The following KCTD19 variants were observed in gnomAD, a reference collection of about 807,000 sequenced individuals.
KCTD19 encodes the protein BTB/POZ domain-containing protein KCTD19.
A neutral mutation model predicts 103.5 loss-of-function variants in KCTD19; 67 were observed. The ratio of observed to expected loss-of-function variants is 0.65; its 90% CI spans 0.53 to 0.79. The LOEUF (loss-of-function observed/expected upper bound fraction) is 0.79, where lower values mean the gene tolerates loss of function less well. Among genes scored for constraint, KCTD19 ranks in the 30% least tolerant of loss-of-function variants. The pLI is 0.00. For missense variants in KCTD19, 980 were observed against 1,136.1 expected (o/e 0.86, Z 1.98); for synonymous variants, 439 against 452.2 (o/e 0.97, Z 0.37).
chr16:67,314,874 G>GA (rs1491336436), intron 2 of KCTD19, among the ~76,000 whole-genome samples: 1,274 of 117,582 alleles, frequency 0.011, 37 homozygotes, highest in African/African-American at 0.039. Context: ...GAGAGAGAGA[G>GA]GGGAAGGGTC....
Position 67,291,993 on chromosome 16 carries a change from C to T in KCTD19, c.2219-156G>A. ...GGTTCCAGCGATTCTCCTGCCTCAG[C>T]CTCCTGAGTAGCTGGGATTACAGGC... On this transcript the variant is annotated intron_variant, in intron 12 of 15. Transcript: ENST00000304372. Among the ~76,000 whole-genome samples, 2 of 152,182 alleles carry T rather than the reference C, an allele frequency of 1.3e-5. 1 individual carries two copies. Among genetic ancestry groups the T allele is most frequent in the Non-Finnish European group, 2.9e-5 (2 of 68,034 alleles).
chr16:67,326,560 C>T, intron 1 of KCTD19, 145 bp downstream of exon 1: 1 of 1,106,012 alleles, frequency 9.0e-7, no homozygotes, highest in South Asian at 1.4e-5. Context: ...AGCCAGCCCC[C>T]CAAATCCTTC....
At chr16:67,291,596 A>G in intron 13 of KCTD19, 50 bp downstream of exon 13, 1 of 1,579,198 alleles carries the variant, frequency 6.3e-7, no homozygotes, top group Non-Finnish European at 8.7e-7. Flanking sequence ...GAGGGGGCTC[A>G]GGCATCCTCA....
At chr16:67,317,676 T>C in intron 2 of KCTD19, among the ~76,000 whole-genome samples, 1 of 152,148 alleles carries the variant, frequency 6.6e-6, no homozygotes, top group Non-Finnish European at 1.5e-5. Context: ...TATAATAATA[T>C]ATTATTAAAT....
intron 2 of KCTD19, among the ~76,000 whole-genome samples, chr16:67,319,686 C>CTTATAA (rs2037050817): frequency 7.6e-6 from 1 of 131,412 alleles, no homozygotes; most frequent in African/African-American, 3.7e-5. Flanking sequence ...ATTTAAAGCT[C>CTTATAA]TTATAATAAT....
chr16:67,326,470 C>T (rs2037173330), intron 1 of KCTD19, among the ~76,000 whole-genome samples: 1 of 152,142 alleles, frequency 6.6e-6, no homozygotes, highest in South Asian at 2.1e-4. Context: ...ACACGCCCAG[C>T]CCTCAGAACC....
intron 13 of KCTD19, 65 bp from the exon 14 acceptor site, chr16:67,291,528 A>AGG: frequency 6.3e-7 from 1 of 1,578,150 alleles, no homozygotes; most frequent in Non-Finnish European, 8.6e-7. Context: ...AGACAGTGTG[A>AGG]GGAGGGGGAG....
At chr16:67,299,184 C>T (rs1018206407) in intron 6 of KCTD19, among the ~76,000 whole-genome samples, 179 bp downstream of exon 6, 1 of 152,276 alleles carries the variant, frequency 6.6e-6, no homozygotes, top group African/African-American at 2.4e-5. Flanking sequence ...TAGCCCTCTC[C>T]TTTGAGGCCC....
Position 67,291,664 on chromosome 16 carries a change from C to T in KCTD19, c.2392G>A (p.Ala798Thr). 1 of 1,613,814 alleles carries T rather than the reference C, an allele frequency of 6.2e-7. No individual in the cohort carries two copies. Among genetic ancestry groups the T allele is most frequent in the South Asian group, 1.1e-5 (1 of 90,980 alleles). Reference sequence around the variant, plus strand: ...GCCTCACCTTGGGGCTGGGGACTGGCTGTGGGTGTTGTGTGCCTGAGGTTG... The same window carrying T: ...GCCTCACCTTGGGGCTGGGGACTGGTTGTGGGTGTTGTGTGCCTGAGGTTG... ...MDNLRHTTPTASPQPQEVTFL... is the reference protein window; with the variant it reads ...MDNLRHTTPTTSPQPQEVTFL... The change falls in exon 13 of 16, where the codon GCC (alanine) becomes ACC (threonine). Residue 798 changes from alanine (A) to threonine (T), a missense_variant. Transcript: ENST00000304372.
chr16:67,303,433 T>C lies in KCTD19; in HGVS notation c.452-96A>G. ...CTGACCCAGGGGCCCCAGAGGATGC[T>C]AGAGAGACCCCCCAGGATATGGTCC... On this transcript the variant is annotated intron_variant, in intron 3 of 15. Transcript: ENST00000304372. This position sits in a 1 kb window ranked among gnomAD's most constrained non-coding sequence, Gnocchi z 4.3. The C allele has an allele frequency of 1.1e-6, 1 of 899,252 alleles. No homozygotes were observed. Among genetic ancestry groups the C allele is most frequent in the Non-Finnish European group, 1.7e-6 (1 of 596,302 alleles). 55.7% of individuals were successfully genotyped at this position (899,252 alleles called of 1,614,324 possible).
chr16:67,311,503 A>C (rs1245689175), intron 2 of KCTD19, among the ~76,000 whole-genome samples: 1 of 151,980 alleles, frequency 6.6e-6, no homozygotes, highest in Non-Finnish European at 1.5e-5. Flanking sequence ...GGGTTTCACT[A>C]TCTTGGCCAA....
intron 2 of KCTD19, among the ~76,000 whole-genome samples, chr16:67,311,228 CTGTTA>C (rs2036945622): frequency 6.6e-6 from 1 of 152,070 alleles, no homozygotes; most frequent in Non-Finnish European, 1.5e-5. Context: ...GGAATTCAGT[CTGTTA>C]TGAGAGCAGA....
intron 2 of KCTD19, among the ~76,000 whole-genome samples, chr16:67,311,661 G>A (rs769159526): frequency 5.3e-5 from 8 of 152,114 alleles, no homozygotes; most frequent in Non-Finnish European, 1.0e-4. Context: ...AAAAAGTGTA[G>A]AGAGAAAGCA....
At chr16:67,292,188 C>T (rs946587150) in intron 12 of KCTD19, among the ~76,000 whole-genome samples, 2 of 152,188 alleles carry the variant, frequency 1.3e-5, no homozygotes, top group African/African-American at 4.8e-5. Context: ...TCTTCAATTA[C>T]CATCAAATCT....
intron 1 of KCTD19, 150 bp downstream of exon 1, chr16:67,326,555 G>A: frequency 1.0e-6 from 1 of 1,004,404 alleles, no homozygotes; most frequent in Non-Finnish European, 1.4e-6. Flanking sequence ...CTCAGAGCCA[G>A]CCCCCCAAAT....
At position 67,299,523 on chromosome 16, in the gene KCTD19, G is replaced by A. The variant is rs2036809498; in HGVS notation, c.826C>T (p.Arg276Cys). ...CSPLSPGKGA[R>C]TASLESVKPL... Reference sequence around the variant, plus strand: ...TTCACGGACTCCAGGCTGGCTGTGCGGGCCCCCTTCCCGGGGCTCAGGGGA... The same window carrying A: ...TTCACGGACTCCAGGCTGGCTGTGCAGGCCCCCTTCCCGGGGCTCAGGGGA... The change falls in exon 6 of 16, where the codon CGC becomes TGC. Residue 276 changes from arginine (R) to cysteine (C), a missense_variant. Arg to Cys is a radical substitution (Grantham distance 180). Coordinates refer to ENST00000304372, the MANE Select transcript of KCTD19 (RefSeq NM_001100915.3). The A allele has an allele frequency of 8.1e-6, 13 of 1,613,934 alleles. No homozygotes were observed. The highest frequency in any genetic ancestry group is 1.1e-5 in the South Asian group (1 of 91,090).
intron 13 of KCTD19, 29 bp from the exon 14 acceptor site, chr16:67,291,492 A>G (rs1287005455): frequency 1.2e-6 from 2 of 1,608,396 alleles, no homozygotes; most frequent in South Asian, 1.1e-5. Flanking sequence ...GGATGTGGCC[A>G]CATCTGTCAA....
chr16:67,302,009 G>GT, intron 4 of KCTD19, 87 bp from the exon 5 acceptor site: 1 of 1,254,364 alleles, frequency 8.0e-7, no homozygotes, highest in Non-Finnish European at 1.2e-6. Flanking sequence ...TTCTGGTGCT[G>GT]TAACTTATCC....
chr16:67,304,667 C>CTTTT, intron 2 of KCTD19, 96 bp from the exon 3 acceptor site: 3 of 851,748 alleles, frequency 3.5e-6, no homozygotes, highest in Non-Finnish European at 5.3e-6. Context: ...ATGTGACTTA[C>CTTTT]TTTTTTTTTT....
Sources: allele counts gnomAD v4.1 joint callset (sites outside exome capture counted in the v4.1 genomes callset), GRCh38; gene constraint gnomAD v4.1.1; non-coding constraint Gnocchi (gnomAD v3.1); transcripts MANE v1.5; gene names NCBI Gene and HGNC (gene_info 2026-07-23, HGNC 2026-07-21).